Variants in SNTG1 observed in about 807,000 individuals in gnomAD.
The protein encoded by SNTG1 is syntrophin gamma 1.
In SNTG1, 39 loss-of-function variants were observed where a neutral mutation model predicts 74.7. That is an observed-to-expected ratio of 0.52 (90% confidence interval 0.40 to 0.68). The LOEUF is 0.68. Ranked by LOEUF, SNTG1 falls within the 30% of genes least tolerant of loss-of-function variation. The pLI, the probability that SNTG1 is intolerant of heterozygous loss-of-function variation, is 0.00. For missense variants in SNTG1, 685 were observed against 609.5 expected (o/e 1.12, Z -1.30); for synonymous variants, 254 against 217.1 (o/e 1.17, Z -1.49).
At chr8:50,381,592 G>GTGTGTGTGTGTGTGTA (rs1217355515) in intron 2 of SNTG1, among the ~76,000 whole-genome samples, 1 of 98,016 alleles carries the variant, frequency 1.0e-5, no homozygotes, top group Non-Finnish European at 2.2e-5. Flanking sequence ...GTGTGTGTGT[G>GTGTGTGTGTGTGTGTA]TATATATATA....
intron 12 of SNTG1, among the ~76,000 whole-genome samples, chr8:50,582,711 A>G (rs1277203347): frequency 2.0e-5 from 3 of 152,174 alleles, no homozygotes; most frequent in African/African-American, 7.2e-5. Flanking sequence ...GGAGGTTCCC[A>G]TTTAAGCAAA....
intron 1 of SNTG1, among the ~76,000 whole-genome samples, chr8:50,028,241 A>AT (rs1433220924): frequency 2.6e-5 from 4 of 152,136 alleles, no homozygotes; most frequent in African/African-American, 7.2e-5. Flanking sequence ...GACTTTCCAT[A>AT]TTCAGCTTAA....
chr8:50,657,700 T>C (rs2095192063), intron 14 of SNTG1, among the ~76,000 whole-genome samples: 1 of 152,154 alleles, frequency 6.6e-6, no homozygotes. Context: ...TAAGCTATCA[T>C]TTATGACAAG....
At chr8:50,356,243 G>T (rs756584752) in intron 2 of SNTG1, among the ~76,000 whole-genome samples, 4 of 151,882 alleles carry the variant, frequency 2.6e-5, no homozygotes, top group Non-Finnish European at 5.9e-5. Context: ...TTTGCCAAAC[G>T]ACTTGATTCA....
intron 2 of SNTG1, among the ~76,000 whole-genome samples, chr8:50,285,350 T>C (rs1389437051): frequency 1.3e-5 from 2 of 152,100 alleles, no homozygotes; most frequent in Non-Finnish European, 2.9e-5. Flanking sequence ...AATCAGCAAG[T>C]ATATGGTGTT....
intron 5 of SNTG1, 133 bp downstream of exon 5, chr8:50,438,732 G>C: frequency 1.6e-6 from 1 of 638,750 alleles, no homozygotes; most frequent in Non-Finnish European, 2.7e-6. Context: ...GGACGGGGAT[G>C]TAAATTAGGT....
intron 2 of SNTG1, among the ~76,000 whole-genome samples, chr8:50,388,912 G>A (rs573741707): frequency 2.6e-5 from 4 of 152,236 alleles, no homozygotes; most frequent in South Asian, 2.1e-4. Context: ...CTTATTTGAC[G>A]CAGGAGTCTT....
intron 1 of SNTG1, among the ~76,000 whole-genome samples, chr8:50,013,528 T>C (rs1314421349): frequency 6.6e-6 from 1 of 151,666 alleles, no homozygotes; most frequent in African/African-American, 2.4e-5. Context: ...TATGTGCACA[T>C]ATATACATAT....
upstream of SNTG1, among the ~76,000 whole-genome samples, chr8:49,910,281 C>T (rs1805514846): frequency 6.6e-6 from 1 of 152,082 alleles, no homozygotes; most frequent in Admixed American, 6.5e-5. Flanking sequence ...GTGTTGCGCC[C>T]CGCCCCTCCC....
rs141579314 is a variant in SNTG1 at position 50,225,089 on chromosome 8, G to A, written c.-28+52454G>A. On this transcript the variant is annotated intron_variant, in intron 2 of 18. Coordinates refer to ENST00000642720, the MANE Select transcript of SNTG1 (RefSeq NM_018967.5). ...GGGTTCACGCCATTCCCCTGCCTCA[G>A]CCTCCTGAGTAGCTGGGACTACAGG... Among the ~76,000 whole-genome samples, 685 of 152,076 alleles carry A rather than the reference G, an allele frequency of 4.5e-3. 9 individuals carry two copies. The highest frequency in any genetic ancestry group is 0.016 in the African/African-American group (650 of 41,500).
At chr8:50,193,430 C>T (rs1337434073) in intron 2 of SNTG1, among the ~76,000 whole-genome samples, 1 of 151,886 alleles carries the variant, frequency 6.6e-6, no homozygotes, top group African/African-American at 2.4e-5. Context: ...GTTTTTGCAG[C>T]TATAGTAAAA....
intron 17 of SNTG1, among the ~76,000 whole-genome samples, chr8:50,710,191 C>T (rs1365549463): frequency 6.6e-6 from 1 of 152,312 alleles, no homozygotes; most frequent in South Asian, 2.1e-4. Context: ...AGACAGCACA[C>T]ATTTGCTGGT....
In SNTG1 at chr8:50,578,911, G is replaced by A. The variant is rs575952125; in HGVS notation, c.811-11968G>A. 6.6e-5 allele frequency among the ~76,000 whole-genome samples: 10 copies of A among 152,260 alleles called. No homozygotes were observed. The South Asian group carries it at 2.1e-3, about 32-fold the overall frequency. ...AATATAGTAAATTGGTTCAGGAGTG[G>A]GGTGTGGCTATAAGGATACCTGAAA... On this transcript the variant is annotated intron_variant, in intron 12 of 18. Transcript: ENST00000642720.
At chr8:50,335,956 A>C (rs1402287089) in intron 2 of SNTG1, among the ~76,000 whole-genome samples, 4 of 152,128 alleles carry the variant, frequency 2.6e-5, no homozygotes, top group Non-Finnish European at 4.4e-5. Flanking sequence ...CAATCACAAA[A>C]TTCCAGTGCC....
At chr8:50,687,511 C>T (rs1196837804) in intron 15 of SNTG1, among the ~76,000 whole-genome samples, 9 of 152,182 alleles carry the variant, frequency 5.9e-5, no homozygotes, top group Admixed American at 5.9e-4. Context: ...AAAGCAGATG[C>T]TGAATCAAAA....
At chr8:50,602,536 C>T (rs904540383) in intron 13 of SNTG1, among the ~76,000 whole-genome samples, 3 of 152,154 alleles carry the variant, frequency 2.0e-5, no homozygotes, top group Non-Finnish European at 4.4e-5. Flanking sequence ...GAATAGTTTA[C>T]ACACCACAAT....
chr8:50,606,235 C>T (rs1292634628), intron 13 of SNTG1, among the ~76,000 whole-genome samples: 5 of 152,040 alleles, frequency 3.3e-5, no homozygotes, highest in Non-Finnish European at 5.9e-5. Flanking sequence ...TGCATTGAAT[C>T]TTTATATTTA....
At chr8:50,100,634 G>A (rs927433821) in intron 1 of SNTG1, among the ~76,000 whole-genome samples, 4 of 152,030 alleles carry the variant, frequency 2.6e-5, no homozygotes, top group Non-Finnish European at 5.9e-5. Flanking sequence ...AACTTTTGAG[G>A]TAAGGCTAAG....
intron 2 of SNTG1, among the ~76,000 whole-genome samples, chr8:50,374,432 C>A (rs75764721): frequency 0.05 from 7,661 of 152,302 alleles, 257 homozygotes; most frequent in Non-Finnish European, 0.071. Flanking sequence ...GGTCCAGAGA[C>A]TAATCTCCCT....
Sources: allele counts gnomAD v4.1 joint callset (sites outside exome capture counted in the v4.1 genomes callset), GRCh38; gene constraint gnomAD v4.1.1; transcripts MANE v1.5; gene names NCBI Gene and HGNC (gene_info 2026-07-23, HGNC 2026-07-21).